Variants in NDST4 observed in about 807,000 individuals in gnomAD.
NDST4 encodes N-heparan sulfate sulfotransferase 4.
A neutral mutation model predicts 100.8 loss-of-function variants in NDST4; 63 were observed. The ratio of observed to expected loss-of-function variants is 0.62; its 90% confidence interval spans 0.51 to 0.77. The LOEUF (loss-of-function observed/expected upper bound fraction) is 0.77. Ranked by LOEUF, NDST4 falls within the 30% of genes least tolerant of loss-of-function variation. The probability of loss-of-function intolerance (pLI) is 0.00; values close to 1 mark genes in which losing one functional copy is unlikely to be tolerated. For missense variants in NDST4, 943 were observed against 1,018.4 expected (o/e 0.93, Z 1.01); for synonymous variants, 377 against 361.8 (o/e 1.04, Z -0.48).
At chr4:114,852,466 A>G (rs57427946) in intron 8 of NDST4, among the ~76,000 whole-genome samples, 47 of 152,296 alleles carry the variant, frequency 3.1e-4, no homozygotes, top group African/African-American at 1.1e-3. Flanking sequence ...AAGTTGTCCA[A>G]ATTTGGCATG....
intron 2 of NDST4, among the ~76,000 whole-genome samples, chr4:114,999,330 C>A (rs1727232734): frequency 1.3e-5 from 2 of 151,858 alleles, no homozygotes; most frequent in Admixed American, 6.6e-5. Context: ...AGTGGTGTGA[C>A]CATTTAGATT....
intron 2 of NDST4, among the ~76,000 whole-genome samples, chr4:115,038,437 G>A (rs1385438042): frequency 6.6e-6 from 1 of 151,992 alleles, no homozygotes; most frequent in Non-Finnish European, 1.5e-5. Context: ...AAATCCCTCT[G>A]GTTTTCTGCA....
chr4:114,967,905 A>G lies in NDST4; in HGVS notation c.1221+2525T>C, dbSNP rs181396286. Among the ~76,000 whole-genome samples the G allele has an allele frequency of 3.4e-3, 524 of 152,260 alleles. 3 individuals are homozygous for G. Among genetic ancestry groups the G allele is most frequent in the African/African-American group, 0.012 (498 of 41,558 alleles). ...CTTACTGTGTGCCAGCCGCTGCTCT[A>G]AGCACATTATGTATATCCTCCCAGC... is the stretch of plus-strand genomic sequence containing the variant. On this transcript the variant is annotated intron_variant, in intron 4 of 13. Coordinates refer to ENST00000264363, the MANE Select transcript of NDST4 (RefSeq NM_022569.3).
At chr4:114,949,625 T>G (rs935926199) in intron 4 of NDST4, among the ~76,000 whole-genome samples, 3 of 151,898 alleles carry the variant, frequency 2.0e-5, no homozygotes, top group Non-Finnish European at 4.4e-5. Context: ...GAGAAAGAAA[T>G]AAAAGCTAAG....
chr4:115,050,683 G>A (rs1053647133), intron 2 of NDST4, among the ~76,000 whole-genome samples: 1 of 152,078 alleles, frequency 6.6e-6, no homozygotes, highest in African/African-American at 2.4e-5. Context: ...TTGTGTTCAT[G>A]AATCTTAGCA....
At chr4:114,963,315 G>GA (rs1380154502) in intron 4 of NDST4, among the ~76,000 whole-genome samples, 5 of 152,070 alleles carry the variant, frequency 3.3e-5, no homozygotes, top group Admixed American at 3.3e-4. Context: ...TATGCTAAGT[G>GA]AAAAAATCAA....
intron 2 of NDST4, among the ~76,000 whole-genome samples, chr4:115,015,545 T>C (rs1727657691): frequency 6.6e-6 from 1 of 152,046 alleles, no homozygotes; most frequent in African/African-American, 2.4e-5. Context: ...GAAAAATTGG[T>C]AACAAATTTT....
At chr4:115,020,651 A>G (rs933561523) in intron 2 of NDST4, among the ~76,000 whole-genome samples, 3 of 152,098 alleles carry the variant, frequency 2.0e-5, no homozygotes, top group Admixed American at 1.3e-4. Context: ...TTCACAGTCT[A>G]TACATCTATA....
chr4:114,926,690 A>T (rs1725393791), intron 6 of NDST4, among the ~76,000 whole-genome samples: 1 of 152,120 alleles, frequency 6.6e-6, no homozygotes, highest in African/African-American at 2.4e-5. Context: ...AAATAAAGAA[A>T]CAATACTGGC....
chr4:115,101,675 A>G (rs1030975715), intron 1 of NDST4, among the ~76,000 whole-genome samples: 2 of 152,156 alleles, frequency 1.3e-5, no homozygotes, highest in African/African-American at 4.8e-5. Context: ...GTCCAGTGGT[A>G]TAGTGAAGTC....
chr4:114,876,358 T>C (rs1299325207), intron 6 of NDST4, among the ~76,000 whole-genome samples: 1 of 152,204 alleles, frequency 6.6e-6, no homozygotes, highest in East Asian at 1.9e-4. Context: ...AGATGGAATA[T>C]AGGGAAATAC....
chr4:114,833,559 A>G (rs1332327462), intron 12 of NDST4, 47 bp downstream of exon 12: 2 of 1,262,500 alleles, frequency 1.6e-6, no homozygotes, highest in Non-Finnish European at 2.3e-6. Context: ...GTGATAATTT[A>G]TGATGGCAAA....
intron 4 of NDST4, among the ~76,000 whole-genome samples, chr4:114,945,117 G>A (rs1248566241): frequency 7.0e-6 from 1 of 142,292 alleles, no homozygotes; most frequent in African/African-American, 2.6e-5. Flanking sequence ...GCTGAAGCAG[G>A]AGAATCACTT....
intron 13 of NDST4, among the ~76,000 whole-genome samples, 183 bp downstream of exon 13, chr4:114,829,607 T>C (rs1259441315): frequency 1.3e-5 from 2 of 152,148 alleles, no homozygotes; most frequent in Non-Finnish European, 2.9e-5. Flanking sequence ...TTAGTATCTA[T>C]CTACCGATCT....
chr4:115,108,082 T>C (rs1729867246), intron 1 of NDST4, among the ~76,000 whole-genome samples: 1 of 152,132 alleles, frequency 6.6e-6, no homozygotes, highest in Admixed American at 6.6e-5. Flanking sequence ...GACATAACTA[T>C]TAGTGAAAGA....
intron 2 of NDST4, among the ~76,000 whole-genome samples, chr4:115,053,431 G>C (rs973376872): frequency 6.6e-6 from 1 of 151,938 alleles, no homozygotes; most frequent in Admixed American, 6.6e-5. Flanking sequence ...TCTTCATCTA[G>C]TTTATATAAG....
intron 2 of NDST4, among the ~76,000 whole-genome samples, chr4:114,984,538 C>A (rs1302781519): frequency 6.6e-6 from 1 of 152,042 alleles, no homozygotes; most frequent in African/African-American, 2.4e-5. Context: ...TTTATATGGT[C>A]TTTTATCATA....
In NDST4 at chr4:115,036,839, A is replaced by G. The variant is rs141041119; in HGVS notation, c.978+39220T>C. Among the ~76,000 whole-genome samples, 21 of 152,172 alleles carry G rather than the reference A, an allele frequency of 1.4e-4. No individual in the cohort carries two copies. The East Asian group carries it at 4.0e-3, about 29-fold the overall frequency. On this transcript the variant is annotated intron_variant, in intron 2 of 13. Transcript: ENST00000264363. ...TTCAAGCATTACATTGATATTAAAT[A>G]GGGAACACAATTATATAATATCCTT...
chr4:114,974,153 T>C (rs1184152023), intron 3 of NDST4, among the ~76,000 whole-genome samples: 3 of 152,008 alleles, frequency 2.0e-5, no homozygotes, highest in Non-Finnish European at 4.4e-5. Context: ...ATATATAAAC[T>C]GAGGCACAGA....
Sources: allele counts gnomAD v4.1 joint callset (sites outside exome capture counted in the v4.1 genomes callset), GRCh38; gene constraint gnomAD v4.1.1; transcripts MANE v1.5; gene names NCBI Gene and HGNC (gene_info 2026-07-23, HGNC 2026-07-21).